The following DNAI4 variants were observed in gnomAD, a reference collection of about 807,000 sequenced individuals.
The protein encoded by DNAI4 is WD repeat domain 78.
DNAI4 carries 85 observed loss-of-function variants against 105.8 expected under a neutral mutation model. The ratio of observed to expected loss-of-function variants is 0.80; its 90% confidence interval spans 0.67 to 0.96. The LOEUF is 0.96. Ranked by LOEUF, DNAI4 falls within the 40% of genes least tolerant of loss-of-function variation. The pLI is 0.00. For missense variants in DNAI4, 1,014 were observed against 1,005.6 expected (o/e 1.01, Z -0.11); for synonymous variants, 352 against 331.5 (o/e 1.06, Z -0.67).
At chr1:66,870,906 C>T (rs1208357831) in intron 6 of DNAI4, 1 of 154,912 alleles carries the variant, frequency 6.5e-6, no homozygotes, top group Non-Finnish European at 1.4e-5. Context: ...AGTGCACAAG[C>T]TCTAGAACCA....
chr1:66,859,272 G>C (rs907792991), intron 7 of DNAI4, among the ~76,000 whole-genome samples: 5 of 152,128 alleles, frequency 3.3e-5, no homozygotes, highest in African/African-American at 9.7e-5. Flanking sequence ...ATACATATTT[G>C]AGTGGCTACA....
intron 1 of DNAI4, among the ~76,000 whole-genome samples, chr1:66,910,839 C>T (rs1211221421): frequency 2.6e-5 from 4 of 152,182 alleles, no homozygotes; most frequent in African/African-American, 9.7e-5. Flanking sequence ...CTAATGCTTA[C>T]AACAGTACCC....
At chr1:66,897,754 T>C (rs1020453873) in intron 2 of DNAI4, among the ~76,000 whole-genome samples, 6 of 152,226 alleles carry the variant, frequency 3.9e-5, no homozygotes, top group Non-Finnish European at 1.5e-5. Flanking sequence ...CCACATGGCA[T>C]TAATTCTGCA....
Position 66,892,909 on chromosome 1 carries a change from A to G in DNAI4, c.530+320T>C, listed in dbSNP as rs138792581. On this transcript the variant is annotated intron_variant, in intron 3 of 16. Coordinates refer to ENST00000371026, the MANE Select transcript of DNAI4 (RefSeq NM_024763.5). ...GGCAACAGGAGTGAAACTTGTCTCAAAAAAGAAAGAAAGAGAGAAAGAGAA... is the reference window on the plus strand; with the variant it reads ...GGCAACAGGAGTGAAACTTGTCTCAGAAAAGAAAGAAAGAGAGAAAGAGAA... 3.4e-3 allele frequency among the ~76,000 whole-genome samples: 510 copies of G among 149,316 alleles called. 9 individuals carry two copies. Among genetic ancestry groups the G allele is most frequent in the East Asian group, 0.034 (174 of 5,116 alleles).
intron 1 of DNAI4, among the ~76,000 whole-genome samples, chr1:66,911,109 C>G (rs973192441): frequency 2.2e-4 from 34 of 152,186 alleles, no homozygotes; most frequent in African/African-American, 8.0e-4. Flanking sequence ...AGGTTGTGGC[C>G]TGTTTCTGAA....
intron 1 of DNAI4, among the ~76,000 whole-genome samples, chr1:66,907,890 T>C (rs868658704): frequency 6.6e-6 from 1 of 152,138 alleles, no homozygotes; most frequent in African/African-American, 2.4e-5. Flanking sequence ...CCTCTCAAAC[T>C]CCAATCCTTC....
In DNAI4 at chr1:66,826,836, C is replaced by T. The variant is rs752382669; in HGVS notation, c.2323G>A (p.Asp775Asn). Residue 775 changes from aspartate (D) to asparagine (N), a missense_variant, in exon 15 of 17, where the codon GAC becomes AAC. Physicochemically the swap from Asp to Asn is conservative, Grantham distance 23 (BLOSUM62 1). Coordinates refer to ENST00000371026, the MANE Select transcript of DNAI4 (RefSeq NM_024763.5). ...AANENRVEIW[D>N]LHISTLDPLI... Reference sequence around the variant, plus strand: ...GTAACTTACGTGCTGATATGAAGGTCCCAAATCTCCACCCTGTTCTCATTT... The same window carrying T: ...GTAACTTACGTGCTGATATGAAGGTTCCAAATCTCCACCCTGTTCTCATTT... 1 of 1,613,962 alleles carries T rather than the reference C, an allele frequency of 6.2e-7. No homozygotes were observed. The highest frequency in any genetic ancestry group is 8.5e-7 in the Non-Finnish European group (1 of 1,179,982).
intron 16 of DNAI4, among the ~76,000 whole-genome samples, chr1:66,818,483 A>G (rs1186543434): frequency 6.6e-6 from 1 of 152,192 alleles, no homozygotes; most frequent in Non-Finnish European, 1.5e-5. Flanking sequence ...GAATAACAAA[A>G]TATATAATCT....
intron 3 of DNAI4, among the ~76,000 whole-genome samples, 169 bp downstream of exon 3, chr1:66,893,060 A>AAG (rs1557965271): frequency 8.6e-5 from 8 of 93,318 alleles, no homozygotes; most frequent in African/African-American, 2.4e-4. Context: ...AGAAAGAGAG[A>AAG]GAGAGAAAGA....
intron 8 of DNAI4, among the ~76,000 whole-genome samples, chr1:66,845,822 C>T (rs1292497713): frequency 7.5e-6 from 1 of 133,516 alleles, no homozygotes; most frequent in Non-Finnish European, 1.5e-5. Context: ...TCTATATTGA[C>T]AGAAATCAGA....
At chr1:66,912,799 G>C (rs1320130237) in intron 1 of DNAI4, among the ~76,000 whole-genome samples, 1 of 152,108 alleles carries the variant, frequency 6.6e-6, no homozygotes, top group Non-Finnish European at 1.5e-5. Context: ...TCTGAACGTG[G>C]ATGCCCCTGA....
chr1:66,843,218 G>C (rs1443616328), intron 8 of DNAI4, among the ~76,000 whole-genome samples: 1 of 130,568 alleles, frequency 7.7e-6, no homozygotes, highest in African/African-American at 2.9e-5. Flanking sequence ...AAAAAGGTGG[G>C]GGGTGGGGGG....
At chr1:66,826,725 A>G in intron 15 of DNAI4, 95 bp downstream of exon 15, 1 of 1,062,884 alleles carries the variant, frequency 9.4e-7, no homozygotes, top group East Asian at 2.4e-5. Flanking sequence ...CTTTTAAAGT[A>G]ACTACAATAC....
chr1:66,915,994 C>T (rs1650040904), intron 1 of DNAI4, among the ~76,000 whole-genome samples: 1 of 149,450 alleles, frequency 6.7e-6, no homozygotes, highest in Non-Finnish European at 1.5e-5. Flanking sequence ...TGGTGGTGTG[C>T]ACCTATAATC....
In DNAI4 at chr1:66,890,635, GGAAGAA is replaced by G. The variant is rs572841340; in HGVS notation, c.643+513_643+518del. The G allele has an allele frequency of 5.9e-5, 11 of 187,988 alleles. No individual in the cohort carries two copies. In the East Asian group the frequency reaches 1.9e-3, roughly 33 times the overall value. The allele number at this position is 187,988 out of a possible 1,614,324, so 11.6% of individuals were successfully genotyped here. On this transcript the variant is annotated intron_variant, in intron 4 of 16. Coordinates refer to ENST00000371026, the MANE Select transcript of DNAI4 (RefSeq NM_024763.5). The surrounding 1 kb of genome is among the most constrained non-coding windows in gnomAD (Gnocchi z 4.1). ...AAAGAGGAAAGAAGAAAGAAGAAGA[GGAAGAA>G]GAAGAAGAGGAAGAGGAGAAGGAAG...
chr1:66,913,807 C>T (rs1649845908), intron 1 of DNAI4, among the ~76,000 whole-genome samples: 1 of 151,824 alleles, frequency 6.6e-6, no homozygotes, highest in Non-Finnish European at 1.5e-5. Flanking sequence ...ATGGTGAAAC[C>T]CCATCTCTAC....
intron 2 of DNAI4, chr1:66,904,931 GTA>G (rs1216987947): frequency 2.6e-6 from 1 of 379,160 alleles, no homozygotes; most frequent in East Asian, 3.8e-5. Context: ...TAGTTGTAAT[GTA>G]TATAATTAAT....
chr1:66,918,699 T>C (rs1650252412), intron 1 of DNAI4, among the ~76,000 whole-genome samples: 1 of 152,172 alleles, frequency 6.6e-6, no homozygotes, highest in Admixed American at 6.5e-5. Context: ...CTTTGGGACC[T>C]AACCCATCTA....
In DNAI4 at chr1:66,813,379, A is replaced by G. The variant is rs1052616882; in HGVS notation, c.*751T>C. The G allele has an allele frequency of 6.6e-6, 1 of 152,332 alleles. No homozygotes were observed. Among genetic ancestry groups the G allele is most frequent in the Non-Finnish European group, 1.5e-5 (1 of 68,036 alleles). The allele number at this position is 152,332 out of a possible 1,614,324, so 9.4% of individuals were successfully genotyped here. A position where few individuals can be genotyped will look rare whatever the true frequency, so the allele number is the denominator to read the frequency against. On this transcript the variant is annotated 3_prime_UTR_variant, in exon 17 of 17. Transcript: ENST00000371026. ...CCGCAACCTTGCTCTAGAACTCTTC[A>G]TAAAATAACATCCTGATGTGGCCTA...
Sources: allele counts gnomAD v4.1 joint callset (sites outside exome capture counted in the v4.1 genomes callset), GRCh38; gene constraint gnomAD v4.1.1; non-coding constraint Gnocchi (gnomAD v3.1); transcripts MANE v1.5; gene names NCBI Gene and HGNC (gene_info 2026-07-23, HGNC 2026-07-21).